Variants in NCOR1 observed in about 807,000 individuals in gnomAD.
NCOR1 encodes protein phosphatase 1, regulatory subunit 109.
Under a neutral mutation model 288.1 loss-of-function variants are expected in NCOR1, and 63 were observed. That is an observed-to-expected ratio of 0.22 (90% CI 0.18 to 0.27). NCOR1 has a LOEUF of 0.27. Ranked by LOEUF, NCOR1 falls within the 10% of genes least tolerant of loss-of-function variation. The pLI, the probability that NCOR1 is intolerant of heterozygous loss-of-function variation, is 1.00. For synonymous variants in NCOR1, 1,007 were observed against 1,065.9 expected (o/e 0.94, Z 1.08); for missense variants, 2,397 against 3,019.2 (o/e 0.79, Z 4.83).
intron 18 of NCOR1, among the ~76,000 whole-genome samples, chr17:16,111,639 AAAAG>A (rs994905210): frequency 4.7e-5 from 7 of 148,166 alleles, no homozygotes; most frequent in African/African-American, 1.8e-4. Flanking sequence ...ATTAAAAAAA[AAAAG>A]AAGACATTCT....
At chr17:16,037,454 A>G (rs1353027578) in intron 44 of NCOR1, among the ~76,000 whole-genome samples, 1 of 152,204 alleles carries the variant, frequency 6.6e-6, no homozygotes, top group African/African-American at 2.4e-5. Flanking sequence ...TGCATTTAAA[A>G]GAAAGCCAGG....
intron 26 of NCOR1, among the ~76,000 whole-genome samples, chr17:16,077,483 GGGA>G (rs2062666526): frequency 4.0e-5 from 1 of 25,004 alleles, no homozygotes; most frequent in Non-Finnish European, 9.2e-5. Flanking sequence ...GGGAGGAGAG[GGGA>G]GGAGAGGGGA....
intron 27 of NCOR1, among the ~76,000 whole-genome samples, chr17:16,073,935 G>C (rs1244996363): frequency 6.6e-6 from 1 of 152,198 alleles, no homozygotes; most frequent in Non-Finnish European, 1.5e-5. Context: ...GTTCAGATAA[G>C]CCTGCTCAGA....
rs563020241 is a variant in NCOR1 at position 16,192,409 on chromosome 17, G to A, written c.108+2053C>T. Among the ~76,000 whole-genome samples the A allele has an allele frequency of 3.3e-5, 5 of 152,170 alleles. No homozygotes were observed. In the South Asian group the frequency reaches 6.2e-4, roughly 19 times the overall value. The stretch of plus-strand genomic sequence containing the variant: ...AGTGGCTCACGCCTGTAATCCCAGC[G>A]CTTTGGAAGGCCGAGGAGGGTGGAT... On this transcript the variant is annotated intron_variant, in intron 2 of 45. Coordinates refer to ENST00000268712, the MANE Select transcript of NCOR1 (RefSeq NM_006311.4).
rs190054158 is a variant in NCOR1, at chr17:16,127,375, A to T, written c.1510-1169T>A. ...TATGTATGTATATATACATGTATGT[A>T]TATATGTATGTATATATACATGTGT... On this transcript the variant is annotated intron_variant, in intron 14 of 45. Transcript: ENST00000268712. Among the ~76,000 whole-genome samples the T allele has an allele frequency of 1.6e-5, 2 of 127,352 alleles. 1 individual carries two copies. The highest frequency in any genetic ancestry group is 6.5e-5 in the African/African-American group (2 of 30,756). The allele number at this position is 127,352 out of a possible 152,430, so 83.5% of individuals were successfully genotyped here.
chr17:16,211,207 C>T (rs190162776), intron 1 of NCOR1, among the ~76,000 whole-genome samples: 12 of 152,204 alleles, frequency 7.9e-5, no homozygotes, highest in Non-Finnish European at 1.5e-4. Context: ...TAAAACAAGA[C>T]TAGATAATCT....
At chr17:16,199,337 C>A (rs2090444142) in intron 1 of NCOR1, among the ~76,000 whole-genome samples, 1 of 151,934 alleles carries the variant, frequency 6.6e-6, no homozygotes, top group African/African-American at 2.4e-5. Flanking sequence ...GCCTGGAGAC[C>A]ACGACAACCT....
chr17:16,180,528 A>T (rs1285376175), intron 3 of NCOR1, among the ~76,000 whole-genome samples: 1 of 152,126 alleles, frequency 6.6e-6, no homozygotes, highest in Non-Finnish European at 1.5e-5. Context: ...AGGCAGAAGG[A>T]TCGCTTGAGG....
rs1971840412 is a variant in NCOR1, at chr17:16,030,730, C to T, written c.*1566G>A. On this transcript the variant is annotated 3_prime_UTR_variant, in exon 46 of 46. Coordinates refer to ENST00000268712, the MANE Select transcript of NCOR1 (RefSeq NM_006311.4). ...CTGAAGACAAATGTGGGCTTATGGC[C>T]TATCTCTGTCACTAATTTAACTATA... The T allele has an allele frequency of 5.6e-6, 1 of 179,232 alleles. No homozygotes were observed. Among genetic ancestry groups the T allele is most frequent in the South Asian group, 2.0e-4 (1 of 5,062 alleles). The allele number at this position is 179,232 out of a possible 1,614,324, so 11.1% of individuals were successfully genotyped here.
intron 3 of NCOR1, among the ~76,000 whole-genome samples, chr17:16,176,692 T>C (rs987286516): frequency 2.0e-5 from 3 of 152,098 alleles, no homozygotes; most frequent in Non-Finnish European, 4.4e-5. Context: ...ACTCAGAACT[T>C]TGTAGCTACT....
In NCOR1 at chr17:16,106,328, C is replaced by G. The variant is rs1598694656; in HGVS notation, c.2182+2458G>C. On this transcript the variant is annotated intron_variant, in intron 19 of 45. Coordinates refer to ENST00000268712, the MANE Select transcript of NCOR1 (RefSeq NM_006311.4). Reference sequence around the variant, plus strand: ...CAGATGATATCATTTGACATAAGCACTTTTCCAATTTTCTTCTTCCAAGCC... The same window carrying G: ...CAGATGATATCATTTGACATAAGCAGTTTTCCAATTTTCTTCTTCCAAGCC... 1.3e-5 allele frequency among the ~76,000 whole-genome samples: 2 copies of G among 152,008 alleles called. 1 individual carries two copies. The highest frequency in any genetic ancestry group is 4.1e-4 in the South Asian group (2 of 4,822).
chr17:16,197,194 G>A (rs1220470368), intron 1 of NCOR1, among the ~76,000 whole-genome samples: 1 of 151,826 alleles, frequency 6.6e-6, no homozygotes, highest in Non-Finnish European at 1.5e-5. Context: ...GGTGGCGCGT[G>A]CCTGTAAACC....
chr17:16,047,389 C>T (rs928560580), intron 41 of NCOR1, among the ~76,000 whole-genome samples: 2 of 152,100 alleles, frequency 1.3e-5, no homozygotes, highest in South Asian at 4.1e-4. Flanking sequence ...AATAGGAAAA[C>T]TCAGAAACAG....
chr17:16,122,331 C>A (rs1383488049), intron 15 of NCOR1, among the ~76,000 whole-genome samples: 1 of 152,176 alleles, frequency 6.6e-6, no homozygotes. Flanking sequence ...ATAATTCTCT[C>A]CCCTTCAGTC....
chr17:16,189,023 T>A (rs1252327334), intron 2 of NCOR1, among the ~76,000 whole-genome samples: 1 of 151,112 alleles, frequency 6.6e-6, no homozygotes, highest in East Asian at 1.9e-4. Context: ...AGACTCTGTC[T>A]CAAAAAAACA....
intron 1 of NCOR1, among the ~76,000 whole-genome samples, chr17:16,204,448 C>T (rs1488658793): frequency 6.6e-6 from 1 of 152,114 alleles, no homozygotes; most frequent in African/African-American, 2.4e-5. Flanking sequence ...TTTAAAAATA[C>T]AAAAAGGCAT....
intron 3 of NCOR1, among the ~76,000 whole-genome samples, chr17:16,175,600 T>A (rs1251115207): frequency 6.6e-6 from 1 of 152,156 alleles, no homozygotes; most frequent in African/African-American, 2.4e-5. Flanking sequence ...AATTTTCCTG[T>A]GCCCTGGTTG....
intron 14 of NCOR1, among the ~76,000 whole-genome samples, chr17:16,128,780 C>T (rs1425441058): frequency 6.6e-6 from 1 of 151,978 alleles, no homozygotes; most frequent in Admixed American, 6.6e-5. Flanking sequence ...TTCATCAAAA[C>T]CAACACTTAG....
intron 1 of NCOR1, among the ~76,000 whole-genome samples, chr17:16,207,172 T>A (rs1007278856): frequency 4.6e-5 from 7 of 152,168 alleles, no homozygotes; most frequent in Admixed American, 3.3e-4. Flanking sequence ...AATTTAAAAA[T>A]CTTAAAAGTA....
Sources: allele counts gnomAD v4.1 joint callset (sites outside exome capture counted in the v4.1 genomes callset), GRCh38; gene constraint gnomAD v4.1.1; transcripts MANE v1.5; gene names NCBI Gene and HGNC (gene_info 2026-07-23, HGNC 2026-07-21).